Variants in NALF1 observed in about 807,000 individuals in gnomAD.
NALF1 encodes family with sequence similarity 155 member A.
In NALF1, 3 loss-of-function variants were observed where a neutral mutation model predicts 48.4. The observed-to-expected ratio is 0.06, with a 90% CI of 0.03 to 0.16. NALF1 has a LOEUF of 0.16. Among genes scored for constraint, NALF1 ranks in the 10% least tolerant of loss-of-function variants. The pLI, the probability that NALF1 is intolerant of heterozygous loss-of-function variation, is 1.00. For synonymous variants in NALF1, 262 were observed against 245.7 expected, an observed-to-expected ratio of 1.07 and a Z score of -0.62; for missense variants, 526 against 571.5, an observed-to-expected ratio of 0.92 and a Z score of 0.81.
At chr13:107,806,464 T>A (rs1345227499) in intron 1 of NALF1, among the ~76,000 whole-genome samples, 1 of 152,168 alleles carries the variant, frequency 6.6e-6, no homozygotes, top group Non-Finnish European at 1.5e-5. Flanking sequence ...TGTCCATTTC[T>A]TAATCTCTCA....
intron 1 of NALF1, among the ~76,000 whole-genome samples, chr13:107,287,128 T>C (rs1269837955): frequency 6.6e-6 from 1 of 152,180 alleles, no homozygotes; most frequent in Admixed American, 6.5e-5. Flanking sequence ...TGTGCAATAA[T>C]TTCCTTGCTG....
At chr13:107,606,703 T>C (rs2138428822) in intron 1 of NALF1, among the ~76,000 whole-genome samples, 1 of 152,278 alleles carries the variant, frequency 6.6e-6, no homozygotes, top group South Asian at 2.1e-4. Context: ...TCAAAAATAT[T>C]TGTTGACAAA....
At position 107,680,147 on chromosome 13, in the gene NALF1, T is replaced by C. The variant is rs538852600; in HGVS notation, c.915+185535A>G. Among the ~76,000 whole-genome samples the C allele has an allele frequency of 6.6e-5, 10 of 152,268 alleles. No homozygotes were observed. In the South Asian group the frequency reaches 1.0e-3, roughly 16 times the overall value. ...CAGCTGCCCAGGTGCCCAGCAGCTG[T>C]GCCCACACAGGCTCTGCATTGCTTT... is the stretch of plus-strand genomic sequence containing the variant. On this transcript the variant is annotated intron_variant, in intron 1 of 2. Coordinates refer to ENST00000375915, the MANE Select transcript of NALF1 (RefSeq NM_001080396.3).
At chr13:107,507,883 T>C (rs1875754570) in intron 1 of NALF1, among the ~76,000 whole-genome samples, 1 of 152,174 alleles carries the variant, frequency 6.6e-6, no homozygotes, top group African/African-American at 2.4e-5. Context: ...AGTAACTGAA[T>C]GCTCTTCCAA....
chr13:107,693,083 C>T (rs984841050), intron 1 of NALF1, among the ~76,000 whole-genome samples: 1 of 152,066 alleles, frequency 6.6e-6, no homozygotes, highest in African/African-American at 2.4e-5. Flanking sequence ...CACTGTCTTC[C>T]ACAATGGTTG....
chr13:107,500,862 C>A (rs1875499827), intron 1 of NALF1, among the ~76,000 whole-genome samples: 2 of 151,714 alleles, frequency 1.3e-5, no homozygotes, highest in African/African-American at 2.4e-5. Context: ...GAACAAAAAA[C>A]CAAACCGCAT....
chr13:107,753,536 C>T (rs913529582), intron 1 of NALF1, among the ~76,000 whole-genome samples: 1 of 146,870 alleles, frequency 6.8e-6, no homozygotes, highest in Non-Finnish European at 1.5e-5. Flanking sequence ...TGACGAAATA[C>T]AAAGCGATGT....
At chr13:107,710,812 T>C (rs1312330337) in intron 1 of NALF1, among the ~76,000 whole-genome samples, 2 of 60,050 alleles carry the variant, frequency 3.3e-5, no homozygotes, top group Non-Finnish European at 7.2e-5. Flanking sequence ...TATACATATA[T>C]GTGTATATAT....
At chr13:107,225,841 G>A (rs185241206) in intron 1 of NALF1, among the ~76,000 whole-genome samples, 3 of 151,934 alleles carry the variant, frequency 2.0e-5, no homozygotes, top group East Asian at 3.9e-4. Context: ...ACACACACAC[G>A]CATGCGCACA....
chr13:107,358,599 T>G (rs1451267244), intron 1 of NALF1, among the ~76,000 whole-genome samples: 2 of 152,116 alleles, frequency 1.3e-5, no homozygotes, highest in Non-Finnish European at 2.9e-5. Flanking sequence ...GGGAAGCATG[T>G]TTTTTAAAGA....
chr13:107,238,992 T>C (rs1880410323), intron 1 of NALF1, among the ~76,000 whole-genome samples: 2 of 151,886 alleles, frequency 1.3e-5, no homozygotes, highest in South Asian at 4.2e-4. Context: ...CATGGAAATA[T>C]TCAAAAAGAA....
rs975510255 is a variant in NALF1, at chr13:107,165,009, G to C, written c.*5488C>G. The stretch of plus-strand genomic sequence containing the variant: ...TTGCCACGAAGTATTCTTCTTGCAT[G>C]AGGTGTCACGTACAAATACATCATT... On this transcript the variant is annotated 3_prime_UTR_variant, in exon 3 of 3. Coordinates refer to ENST00000375915, the MANE Select transcript of NALF1 (RefSeq NM_001080396.3). 6.6e-6 allele frequency: 1 copy of C among 152,176 alleles called. No homozygotes were observed. The highest frequency in any genetic ancestry group is 1.5e-5 in the Non-Finnish European group (1 of 68,048). 9.4% of individuals were successfully genotyped at this position (152,176 alleles called of 1,614,324 possible). A position where few individuals can be genotyped will look rare whatever the true frequency, so the allele number is the denominator to read the frequency against.
chr13:107,336,262 A>C (rs1193869926), intron 1 of NALF1, among the ~76,000 whole-genome samples: 1 of 152,020 alleles, frequency 6.6e-6, no homozygotes, highest in African/African-American at 2.4e-5. Flanking sequence ...CTGAGGCATG[A>C]GAGTCACTTG....
intron 1 of NALF1, among the ~76,000 whole-genome samples, chr13:107,409,245 G>A (rs1883949508): frequency 6.6e-6 from 1 of 152,136 alleles, no homozygotes; most frequent in African/African-American, 2.4e-5. Context: ...AAATAGAGAT[G>A]CAAGAATACC....
chr13:107,525,616 T>C (rs1876405044), intron 1 of NALF1, among the ~76,000 whole-genome samples: 1 of 152,128 alleles, frequency 6.6e-6, no homozygotes, highest in Admixed American at 6.6e-5. Context: ...TTTCTGTCTG[T>C]CTGGGTAAAT....
At chr13:107,253,470 C>T (rs1880745746) in intron 1 of NALF1, among the ~76,000 whole-genome samples, 2 of 152,126 alleles carry the variant, frequency 1.3e-5, no homozygotes, top group South Asian at 2.1e-4. Context: ...CACCTTGCTC[C>T]CTCTAGTGAG....
At chr13:107,171,967 AGTT>A (rs1318599948) in intron 2 of NALF1, among the ~76,000 whole-genome samples, 1 of 152,220 alleles carries the variant, frequency 6.6e-6, no homozygotes, top group East Asian at 1.9e-4. Flanking sequence ...GAAAAACAAT[AGTT>A]ATCAATGGTA....
At chr13:107,342,477 C>T (rs371332830) in intron 1 of NALF1, among the ~76,000 whole-genome samples, 9 of 152,240 alleles carry the variant, frequency 5.9e-5, no homozygotes, top group African/African-American at 1.7e-4. Flanking sequence ...CAGCAATATA[C>T]AGCCCAAAAC....
intron 2 of NALF1, among the ~76,000 whole-genome samples, chr13:107,186,903 G>T (rs1879186459): frequency 2.0e-5 from 3 of 152,184 alleles, no homozygotes. Context: ...AGCCCATTCA[G>T]GAAATCAGCA....
Sources: gnomAD v4.1 joint callset for allele counts (sites outside exome capture counted in the v4.1 genomes callset) on GRCh38, gnomAD v4.1.1 for gene constraint, MANE v1.5 for transcripts, NCBI Gene and HGNC (gene_info 2026-07-23, HGNC 2026-07-21) for gene names.